Variants in C14orf39 observed in about 807,000 individuals in gnomAD.
C14orf39 encodes the protein chromosome 14 open reading frame 39.
In C14orf39, 66 loss-of-function variants were observed where a neutral mutation model predicts 85.6. The observed-to-expected ratio is 0.77, with a 90% CI of 0.63 to 0.95. The LOEUF (loss-of-function observed/expected upper bound fraction) is 0.95, where lower values mean the gene tolerates loss of function less well. C14orf39 is among the 40% of genes least tolerant of loss of function. The pLI is 0.00. For synonymous variants in C14orf39, 242 were observed against 214.0 expected (o/e 1.13, Z -1.14); for missense variants, 735 against 663.9 (o/e 1.11, Z -1.18).
At chr14:60,504,787 A>G (rs1893183637) in intron 1 of C14orf39, among the ~76,000 whole-genome samples, 1 of 152,234 alleles carries the variant, frequency 6.6e-6, no homozygotes, top group South Asian at 2.1e-4. Flanking sequence ...AAAGTGTATA[A>G]TTTGTCATCT....
chr14:60,452,262 A>C (rs922847686), intron 16 of C14orf39, among the ~76,000 whole-genome samples: 1 of 152,170 alleles, frequency 6.6e-6, no homozygotes, highest in African/African-American at 2.4e-5. Flanking sequence ...CAAGAAATTA[A>C]ATCTCACCAT....
At chr14:60,481,106 T>C (rs1892617372) in intron 4 of C14orf39, among the ~76,000 whole-genome samples, 2 of 152,210 alleles carry the variant, frequency 1.3e-5, no homozygotes, top group African/African-American at 4.8e-5. Context: ...ATGAGCTTTT[T>C]AATATTCTCA....
chr14:60,500,197 T>C (rs1893120918), intron 1 of C14orf39, among the ~76,000 whole-genome samples: 1 of 152,024 alleles, frequency 6.6e-6, no homozygotes, highest in African/African-American at 2.4e-5. Context: ...CTGGATAATT[T>C]TGTATTTTTA....
rs546609548 is a variant in C14orf39 at position 60,497,642 on chromosome 14, G to A, written c.-9+1654C>T. Among the ~76,000 whole-genome samples the A allele has an allele frequency of 2.8e-3, 426 of 152,268 alleles. 1 individual carries two copies. The highest frequency in any genetic ancestry group is 9.0e-3 in the African/African-American group (372 of 41,552). On this transcript the variant is annotated intron_variant, in intron 2 of 5. Transcript: ENST00000556799. Reference sequence around the variant, plus strand: ...TGTAATCCTAGTACTTTGGGAGGCCGAGGTGGGCCAATCACTGGAGGTCAG... The same window carrying A: ...TGTAATCCTAGTACTTTGGGAGGCCAAGGTGGGCCAATCACTGGAGGTCAG...
intron 1 of C14orf39, among the ~76,000 whole-genome samples, chr14:60,502,045 A>G (rs1185495930): frequency 6.6e-6 from 1 of 152,238 alleles, no homozygotes; most frequent in Non-Finnish European, 1.5e-5. Context: ...ATTTAAACCT[A>G]AAATATTGGA....
intron 16 of C14orf39, 45 bp downstream of exon 16, chr14:60,454,956 C>T: frequency 7.1e-7 from 1 of 1,415,708 alleles, no homozygotes; most frequent in Non-Finnish European, 9.3e-7. Context: ...CTCAAAGTTT[C>T]ACAGCAGAAT....
Position 60,511,078 on chromosome 14 carries a change from C to G in C14orf39, c.-144+4317G>C, listed in dbSNP as rs770759922. The G allele has an allele frequency of 4.4e-5, 71 of 1,612,492 alleles. No individual in the cohort carries two copies. In the East Asian group the frequency reaches 1.5e-3, roughly 35 times the overall value. On this transcript the variant is annotated intron_variant, in intron 1 of 5. Transcript: ENST00000556799. Reference sequence around the variant, plus strand: ...CTGTGACCCGTGTTCCCTTTCTTCCCCGTAGACTCCAGCAGCAGGTCCTGT... The same window carrying G: ...CTGTGACCCGTGTTCCCTTTCTTCCGCGTAGACTCCAGCAGCAGGTCCTGT...
chr14:60,436,313 T>C lies in C14orf39; in HGVS notation c.*532A>G, dbSNP rs1012557700. The C allele has an allele frequency of 6.6e-6, 1 of 152,204 alleles. No individual in the cohort carries two copies. The highest frequency in any genetic ancestry group is 2.4e-5 in the African/African-American group (1 of 41,452). 9.4% of individuals were successfully genotyped at this position (152,204 alleles called of 1,614,324 possible). On this transcript the variant is annotated 3_prime_UTR_variant, in exon 18 of 18. Coordinates refer to ENST00000321731, the MANE Select transcript of C14orf39 (RefSeq NM_174978.3). ...AATTAGAATTGTACCATGTGTTATA[T>C]TAGAAGAAAATAACACAGATTTTGT...
Position 60,436,779 on chromosome 14 carries a change from A to G in C14orf39, c.*66T>C. ...AGAAAGCAGTCTTCATGTTTTAAGC[A>G]ATAATGTAAATTTATGCCCTCATGA... is the stretch of plus-strand genomic sequence containing the variant. On this transcript the variant is annotated 3_prime_UTR_variant, in exon 18 of 18. Coordinates refer to ENST00000321731, the MANE Select transcript of C14orf39 (RefSeq NM_174978.3). 1 of 1,031,056 alleles carries G rather than the reference A, an allele frequency of 9.7e-7. No homozygotes were observed. 63.9% of individuals were successfully genotyped at this position (1,031,056 alleles called of 1,614,324 possible).
Position 60,472,499 on chromosome 14 carries a change from C to G in C14orf39, c.324-760G>C, listed in dbSNP as rs541331055. 1.7e-4 allele frequency among the ~76,000 whole-genome samples: 26 copies of G among 152,174 alleles called. No individual in the cohort carries two copies. In the South Asian group the frequency reaches 5.2e-3, roughly 30 times the overall value. ...ATGTGCCATGTTGGTGTGCTGCACC[C>G]ATTAACTCGTCATTTAGCATTAGAT... On this transcript the variant is annotated intron_variant, in intron 5 of 17. Coordinates refer to ENST00000321731, the MANE Select transcript of C14orf39 (RefSeq NM_174978.3).
intron 5 of C14orf39, among the ~76,000 whole-genome samples, chr14:60,474,623 T>A (rs113835068): frequency 6.6e-6 from 1 of 152,182 alleles, no homozygotes; most frequent in African/African-American, 2.4e-5. Flanking sequence ...GTTGTTGAAT[T>A]TTATCAAAGG....
At chr14:60,465,667 C>T (rs1891748986) in intron 11 of C14orf39, among the ~76,000 whole-genome samples, 1 of 152,006 alleles carries the variant, frequency 6.6e-6, no homozygotes, top group Non-Finnish European at 1.5e-5. Context: ...CTGCTATTTT[C>T]CTTCAGGGAT....
chr14:60,471,435 G>T lies in C14orf39; in HGVS notation c.536C>A (p.Thr179Asn). ...FRVPAPFPSL[T>N]KWTLNIVNLR... is the part of the protein sequence containing the mutation. The stretch of plus-strand genomic sequence containing the variant: ...TGGATACATGTTTAAAGTCCATTTA[G>T]TAAGTGATGGAAAGGGAGCAGGCAC... The change falls in exon 7 of 18, where the codon ACT (threonine) becomes AAT (asparagine). Residue 179 changes from threonine (T) to asparagine (N), a missense_variant. Physicochemically the swap from Thr to Asn is moderately conservative, Grantham distance 65. Coordinates refer to ENST00000321731, the MANE Select transcript of C14orf39 (RefSeq NM_174978.3). 1 of 1,598,100 alleles carries T rather than the reference G, an allele frequency of 6.3e-7. No homozygotes were observed. The highest frequency in any genetic ancestry group is 8.5e-7 in the Non-Finnish European group (1 of 1,172,278).
At chr14:60,505,709 G>A (rs573664681) in intron 1 of C14orf39, among the ~76,000 whole-genome samples, 97 of 152,256 alleles carry the variant, frequency 6.4e-4, no homozygotes, top group African/African-American at 2.3e-3. Context: ...GTGAAATTGT[G>A]TGAGAAAAAA....
At chr14:60,487,161 A>G (rs1892910365), upstream of C14orf39, among the ~76,000 whole-genome samples, 1 of 152,158 alleles carries the variant, frequency 6.6e-6, no homozygotes, top group African/African-American at 2.4e-5. Context: ...GCAAGTTTCA[A>G]GGACACAATA....
At chr14:60,445,542 C>T (rs1890723735) in intron 16 of C14orf39, among the ~76,000 whole-genome samples, 1 of 152,150 alleles carries the variant, frequency 6.6e-6, no homozygotes, top group South Asian at 2.1e-4. Flanking sequence ...GAACCCAATA[C>T]AGGAGCACCC....
chr14:60,477,654 C>G (rs552932126), intron 5 of C14orf39, among the ~76,000 whole-genome samples: 2 of 152,036 alleles, frequency 1.3e-5, no homozygotes, highest in Non-Finnish European at 2.9e-5. Flanking sequence ...AAATCAATAT[C>G]CCAAATTTGT....
intron 14 of C14orf39, among the ~76,000 whole-genome samples, chr14:60,458,183 G>A (rs1423333821): frequency 6.6e-6 from 1 of 151,880 alleles, no homozygotes; most frequent in Non-Finnish European, 1.5e-5. Flanking sequence ...GCTGTAAGCC[G>A]TAGTCACCAT....
chr14:60,454,156 A>G (rs1891158410), intron 16 of C14orf39, among the ~76,000 whole-genome samples: 1 of 140,900 alleles, frequency 7.1e-6, no homozygotes, highest in African/African-American at 2.5e-5. Flanking sequence ...GTATAGTACT[A>G]TATCATCCAT....
Sources: gnomAD v4.1 joint callset for allele counts (sites outside exome capture counted in the v4.1 genomes callset) on GRCh38, gnomAD v4.1.1 for gene constraint, MANE v1.5 for transcripts, NCBI Gene and HGNC (gene_info 2026-07-23, HGNC 2026-07-21) for gene names.